ERCC8: variants seen among roughly 807,000 people sequenced by gnomAD.
ERCC8 encodes the protein ERCC excision repair 8, CSA ubiquitin ligase complex subunit, also known as DNA excision repair protein ERCC-8.
A neutral mutation model predicts 54.9 loss-of-function variants in ERCC8; 52 were observed. That is an observed-to-expected ratio of 0.95 (90% CI 0.76 to 1.19). ERCC8 has a LOEUF of 1.19. Among genes scored for constraint, ERCC8 ranks in the 50% most tolerant of loss-of-function variants. The pLI is 0.00. For synonymous variants in ERCC8, 146 were observed against 157.2 expected (o/e 0.93, Z 0.53); for missense variants, 514 against 466.1 (o/e 1.10, Z -0.95).
intron 3 of ERCC8, 122 bp from the exon 4 acceptor site, chr5:60,918,510 G>C: frequency 1.0e-5 from 8 of 801,482 alleles, no homozygotes; most frequent in Non-Finnish European, 1.7e-5. Flanking sequence ...GAGATCACAT[G>C]CCTGTGTCCA....
At chr5:60,943,775 A>G (rs1351481254) in intron 1 of ERCC8, among the ~76,000 whole-genome samples, 1 of 152,220 alleles carries the variant, frequency 6.6e-6, no homozygotes, top group Non-Finnish European at 1.5e-5. Flanking sequence ...CATTCTAGAT[A>G]TGCAGACTGA....
At chr5:60,931,065 T>C (rs1395739623) in intron 1 of ERCC8, among the ~76,000 whole-genome samples, 1 of 150,804 alleles carries the variant, frequency 6.6e-6, no homozygotes, top group African/African-American at 2.4e-5. Flanking sequence ...GCTGAGATCA[T>C]GCCACTGCAC....
At chr5:60,925,252 C>T (rs1037446368) in intron 2 of ERCC8, among the ~76,000 whole-genome samples, 2 of 152,108 alleles carry the variant, frequency 1.3e-5, no homozygotes, top group African/African-American at 4.8e-5. Context: ...TGGAAGCTTA[C>T]TTTCAGAGAT....
intron 4 of ERCC8, among the ~76,000 whole-genome samples, chr5:60,909,243 GAAAAAAAAAAAAAAAAAA>G (rs60064294): frequency 2.5e-4 from 5 of 19,950 alleles, no homozygotes; most frequent in South Asian, 4.7e-3. Flanking sequence ...GCCCTATTCT[GAAAAAAAAAAAAAAAAAA>G]AAAAAAAAAA....
chr5:60,889,911 T>C (rs949409306), intron 10 of ERCC8, among the ~76,000 whole-genome samples: 2 of 152,142 alleles, frequency 1.3e-5, no homozygotes, highest in African/African-American at 4.8e-5. Flanking sequence ...AGATACTGGC[T>C]ATAGGGTTGG....
Position 60,869,477 on chromosome 5 carries a change from T to C in ERCC8, c.*5138A>G, listed in dbSNP as rs1201659480. Among the ~76,000 whole-genome samples the C allele has an allele frequency of 1.3e-5, 2 of 152,204 alleles. No individual in the cohort carries two copies. Among genetic ancestry groups the C allele is most frequent in the Non-Finnish European group, 2.9e-5 (2 of 68,010 alleles). Reference sequence around the variant, plus strand: ...TTCGTTTTGAAATTACTTTATCTATTATTATAATTGGTACAGTTTAAGGTT... The same window carrying C: ...TTCGTTTTGAAATTACTTTATCTATCATTATAATTGGTACAGTTTAAGGTT... On this transcript the variant is annotated 3_prime_UTR_variant, in exon 12 of 12. Coordinates refer to ENST00000676185, the MANE Select transcript of ERCC8 (RefSeq NM_000082.4).
At chr5:60,908,367 CT>C (rs963861628) in intron 4 of ERCC8, among the ~76,000 whole-genome samples, 4 of 151,820 alleles carry the variant, frequency 2.6e-5, no homozygotes, top group Non-Finnish European at 5.9e-5. Flanking sequence ...CAGTGTAGAC[CT>C]CACTCCTGAA....
chr5:60,892,943 G>C (rs757859353), intron 9 of ERCC8: 5 of 755,650 alleles, frequency 6.6e-6, no homozygotes, highest in Admixed American at 1.8e-5. Context: ...GGCAGCAATA[G>C]TTCCCCAGAA....
intron 11 of ERCC8, among the ~76,000 whole-genome samples, chr5:60,877,689 T>G (rs1748057791): frequency 6.6e-6 from 1 of 152,152 alleles, no homozygotes; most frequent in Non-Finnish European, 1.5e-5. Flanking sequence ...TATTGGTGTA[T>G]AAGAATGCTT....
intron 9 of ERCC8, among the ~76,000 whole-genome samples, chr5:60,896,223 C>A (rs770572117): frequency 3.4e-5 from 5 of 147,928 alleles, no homozygotes; most frequent in Non-Finnish European, 6.0e-5. Context: ...ATTAATATTT[C>A]TTTTTTGTTT....
At chr5:60,883,776 G>C (rs1051872160) in intron 11 of ERCC8, among the ~76,000 whole-genome samples, 1 of 152,156 alleles carries the variant, frequency 6.6e-6, no homozygotes, top group Non-Finnish European at 1.5e-5. Context: ...TCTCAGGCAG[G>C]AAAAAGTAAT....
chr5:60,944,428 C>T (rs1750362019), intron 1 of ERCC8, among the ~76,000 whole-genome samples: 1 of 152,176 alleles, frequency 6.6e-6, no homozygotes, highest in Non-Finnish European at 1.5e-5. Context: ...CAAGGCTCTT[C>T]CTCATCTAGT....
intron 4 of ERCC8, among the ~76,000 whole-genome samples, chr5:60,905,959 C>G (rs1749058277): frequency 6.6e-6 from 1 of 151,956 alleles, no homozygotes; most frequent in African/African-American, 2.4e-5. Context: ...TCCTCTTGTG[C>G]ACTAAGCCAC....
At chr5:60,933,938 T>C (rs1749986897) in intron 1 of ERCC8, among the ~76,000 whole-genome samples, 4 of 151,000 alleles carry the variant, frequency 2.6e-5, no homozygotes, top group Admixed American at 2.6e-4. Flanking sequence ...TATTCCATGA[T>C]ACACACACAC....
intron 4 of ERCC8, among the ~76,000 whole-genome samples, chr5:60,905,764 G>C (rs1446553561): frequency 6.6e-6 from 1 of 152,172 alleles, no homozygotes. Context: ...TTTAACTGAT[G>C]CAAGGCTGGC....
rs1416032797 is a variant in ERCC8, at chr5:60,872,579, A to G, written c.*2036T>C. ...TCACCAGGGAAATGCAAATTAAAAC[A>G]ACGAGATACCACCTAACACCTGTTA... On this transcript the variant is annotated 3_prime_UTR_variant, in exon 12 of 12. Coordinates refer to ENST00000676185, the MANE Select transcript of ERCC8 (RefSeq NM_000082.4). 1.3e-5 allele frequency among the ~76,000 whole-genome samples: 2 copies of G among 152,034 alleles called. No homozygotes were observed. Among genetic ancestry groups the G allele is most frequent in the Non-Finnish European group, 2.9e-5 (2 of 68,012 alleles).
At position 60,902,434 on chromosome 5, in the gene ERCC8, A is replaced by C; in HGVS notation, c.617+8T>G. ...ACTAACTTCAAAAGCAAATAAGTTA[A>C]ATTTTACCTTGCTGTTGCCAAGATA... On this transcript the variant is annotated splice_region_variant and intron_variant, in intron 7 of 11. Transcript: ENST00000676185. The C allele has an allele frequency of 6.2e-7, 1 of 1,605,908 alleles. No individual in the cohort carries two copies. The highest frequency in any genetic ancestry group is 8.5e-7 in the Non-Finnish European group (1 of 1,173,170).
chr5:60,888,654 G>T (rs1226019254), intron 10 of ERCC8, among the ~76,000 whole-genome samples: 1 of 152,162 alleles, frequency 6.6e-6, no homozygotes, highest in East Asian at 1.9e-4. Flanking sequence ...ATAGATGGAG[G>T]AGTTCATTTG....
chr5:60,880,750 C>G (rs1329004835), intron 11 of ERCC8, among the ~76,000 whole-genome samples: 1 of 152,130 alleles, frequency 6.6e-6, no homozygotes, highest in Non-Finnish European at 1.5e-5. Flanking sequence ...ATTGGTTATT[C>G]TAGTTAGCCA....
Sources: gnomAD v4.1 joint callset for allele counts (sites outside exome capture counted in the v4.1 genomes callset) on GRCh38, gnomAD v4.1.1 for gene constraint, MANE v1.5 for transcripts, NCBI Gene and HGNC (gene_info 2026-07-23, HGNC 2026-07-21) for gene names.